The following CPT1C variants were observed in gnomAD, a reference collection of about 807,000 sequenced individuals.
The protein encoded by CPT1C is palmitoyl thioesterase CPT1C.
CPT1C carries 61 observed loss-of-function variants against 97.3 expected under a neutral mutation model. The ratio of observed to expected loss-of-function variants is 0.63; its 90% CI spans 0.51 to 0.78. CPT1C has a LOEUF of 0.78. Among genes scored for constraint, CPT1C ranks in the 30% least tolerant of loss-of-function variants. The probability of loss-of-function intolerance (pLI) is 0.00; values close to 1 mark genes in which losing one functional copy is unlikely to be tolerated. For missense variants in CPT1C, 975 were observed against 1,065.5 expected (o/e 0.92, Z 1.18); for synonymous variants, 469 against 447.2 (o/e 1.05, Z -0.61).
chr19:49,702,184 ATATAGGCTTATATATTT>A (rs2083210205), intron 7 of CPT1C, among the ~76,000 whole-genome samples: 3 of 119,960 alleles, frequency 2.5e-5, no homozygotes, highest in African/African-American at 1.2e-4. Flanking sequence ...ATTTATTTAT[ATATAGGCTTATATATTT>A]ATTTATATAT....
chr19:49,695,235 C>T (rs2082598872), intron 3 of CPT1C, among the ~76,000 whole-genome samples: 1 of 151,526 alleles, frequency 6.6e-6, no homozygotes, highest in Admixed American at 6.6e-5. Flanking sequence ...TATATACATG[C>T]ACACACATAT....
At chr19:49,703,934 G>A (rs184117805) in intron 7 of CPT1C, among the ~76,000 whole-genome samples, 15 of 152,006 alleles carry the variant, frequency 9.9e-5, no homozygotes, top group Admixed American at 8.5e-4. Flanking sequence ...CGCCCAGCCT[G>A]TATATTTTAT....
intron 14 of CPT1C, 51 bp from the exon 15 acceptor site, chr19:49,710,269 C>A (rs1175740792): frequency 1.3e-6 from 2 of 1,584,518 alleles, no homozygotes; most frequent in South Asian, 2.2e-5. Context: ...TGGCTTTCAC[C>A]CTACCCCCAT....
Position 49,692,285 on chromosome 19 carries a change from A to G in CPT1C, c.33A>G (p.Arg11=). The G allele has an allele frequency of 1.2e-6, 2 of 1,613,850 alleles. No homozygotes were observed. The highest frequency in any genetic ancestry group is 2.2e-5 in the South Asian group (2 of 91,074). The change falls in exon 3 of 20, where the codon CGA becomes CGG. Residue 11 remains arginine (R), a synonymous_variant. Coordinates refer to ENST00000598293, the MANE Select transcript of CPT1C (RefSeq NM_001199753.2). ...AAGCGCACCAGGCCGTGGGCTTCCG[A>G]CCCTCGCTGACCTCGGACGGGGCTG... MAEAHQAVGF[R]PSLTSDGAEV...
intron 7 of CPT1C, 66 bp from the exon 8 acceptor site, chr19:49,704,644 T>G: frequency 7.8e-7 from 1 of 1,279,304 alleles, no homozygotes; most frequent in South Asian, 1.2e-5. Flanking sequence ...GGGCCTTCCC[T>G]GTCCTACTGT....
Position 49,710,824 on chromosome 19 carries a change from C to T in CPT1C, c.1833C>T (p.Asn611=). The T allele has an allele frequency of 6.2e-7, 1 of 1,613,916 alleles. No individual in the cohort carries two copies. Among genetic ancestry groups the T allele is most frequent in the Non-Finnish European group, 8.5e-7 (1 of 1,179,834 alleles). The change falls in exon 16 of 20, where the codon AAC becomes AAT. Residue 611 remains asparagine, a synonymous_variant. Transcript: ENST00000598293. The part of the protein sequence containing the change: ...TVRSCTREAC[N]FVRAMEDKEK... ...GGTCTTGCACGAGGGAGGCCTGCAA[C>T]TTTGTCAGGGCCATGGAGGACAAAG...
At position 49,692,409 on chromosome 19, in the gene CPT1C, G is replaced by T; in HGVS notation, c.141+16G>T. On this transcript the variant is annotated intron_variant, in intron 3 of 19. Transcript: ENST00000598293. ...ACGTTTCTGGGTGAGGAGCGGTGCT[G>T]GTCGGTTTCCTTCCGGGGATCCAGG... 2 of 1,613,550 alleles carry T rather than the reference G, an allele frequency of 1.2e-6. No individual in the cohort carries two copies. The highest frequency in any genetic ancestry group is 1.1e-5 in the South Asian group (1 of 91,038).
In CPT1C at chr19:49,697,361, C is replaced by G; in HGVS notation, c.177C>G (p.Pro59=). The change falls in exon 4 of 20, where the codon CCC becomes CCG. Residue 59 remains proline (P), a synonymous_variant. Transcript: ENST00000598293. Reference sequence around the variant, plus strand: ...TCACCGGTGTGTTTCCTGCCAGCCCCCTCAGTTGGCTTTTCCTCTTCAGTG... The same window carrying G: ...TCACCGGTGTGTTTCCTGCCAGCCCGCTCAGTTGGCTTTTCCTCTTCAGTG... ...DFLTGVFPAS[P]LSWLFLFSAI... 1 of 1,614,128 alleles carries G rather than the reference C, an allele frequency of 6.2e-7. No individual in the cohort carries two copies. Among genetic ancestry groups the G allele is most frequent in the East Asian group, 2.2e-5 (1 of 44,864 alleles).
At position 49,706,303 on chromosome 19, in the gene CPT1C, C is replaced by T. The variant is rs751926613; in HGVS notation, c.1233C>T (p.Ala411=). Residue 411 remains alanine (A), a synonymous_variant, in exon 12 of 20, where the codon GCC becomes GCT. Transcript: ENST00000598293. This position sits in a 1 kb window ranked among gnomAD's most constrained non-coding sequence, Gnocchi z 4.8. ...AGGCCCTGGAGGCGGTGGAAGGGGC[C>T]GCTTTCTTTGTGTCACTGGATGCTG... ...AAEALEAVEG[A]AFFVSLDAEP... The T allele has an allele frequency of 2.3e-5, 36 of 1,531,990 alleles. No individual in the cohort carries two copies. The highest frequency in any genetic ancestry group is 2.3e-4 in the Admixed American group (10 of 42,764). The allele number at this position is 1,531,990 out of a possible 1,614,324, so 94.9% of individuals were successfully genotyped here.
At chr19:49,703,852 C>T (rs1277057934) in intron 7 of CPT1C, among the ~76,000 whole-genome samples, 1 of 151,878 alleles carries the variant, frequency 6.6e-6, no homozygotes, top group Non-Finnish European at 1.5e-5. Context: ...AGACTGGTCT[C>T]AAACTCCGAG....
Position 49,701,725 on chromosome 19 carries a change from C to T in CPT1C, c.693+91C>T, listed in dbSNP as rs879164065. The stretch of plus-strand genomic sequence containing the variant: ...CTTGCGAGTTATACGCCCTGCCCCA[C>T]GACACGCCCACAACCCACACGCCCC... On this transcript the variant is annotated intron_variant, in intron 7 of 19. Transcript: ENST00000598293. 48 of 1,412,008 alleles carry T rather than the reference C, an allele frequency of 3.4e-5. No individual in the cohort carries two copies. The South Asian group carries it at 5.5e-4, about 16-fold the overall frequency. The allele number at this position is 1,412,008 out of a possible 1,614,324, so 87.5% of individuals were successfully genotyped here. A position where few individuals can be genotyped will look rare whatever the true frequency, so the allele number is the denominator to read the frequency against.
intron 17 of CPT1C, chr19:49,712,525 G>A (rs1018282475): frequency 3.5e-6 from 2 of 575,842 alleles, no homozygotes; most frequent in South Asian, 2.0e-5. Context: ...GGCGTGGTCC[G>A]AGGGAGAAGA....
chr19:49,704,676 C>G (rs1452323412), intron 7 of CPT1C, 34 bp from the exon 8 acceptor site: 1 of 1,567,668 alleles, frequency 6.4e-7, no homozygotes, highest in Admixed American at 1.7e-5. Flanking sequence ...CAGGCCCCAG[C>G]CCCTCACTGT....
chr19:49,708,329 T>G (rs1055091967), intron 13 of CPT1C, among the ~76,000 whole-genome samples: 1 of 146,700 alleles, frequency 6.8e-6, no homozygotes, highest in Non-Finnish European at 1.5e-5. Flanking sequence ...CAAAAAACGT[T>G]AAAAAAAAAC....
intron 2 of CPT1C, 53 bp from the exon 3 acceptor site, chr19:49,692,186 G>C (rs2082391190): frequency 1.3e-6 from 2 of 1,587,704 alleles, no homozygotes; most frequent in Admixed American, 1.7e-5. Context: ...CTGGACTCCT[G>C]AGTCTGAGGG....
chr19:49,706,125 G>GTCAGGGT lies in CPT1C; in HGVS notation c.1160+27_1160+28insTTCAGGG. 6.2e-7 allele frequency: 1 copy of GTCAGGGT among 1,600,366 alleles called. No individual in the cohort carries two copies. On this transcript the variant is annotated intron_variant, in intron 11 of 19. Transcript: ENST00000598293. The surrounding 1 kb of genome is among the most constrained non-coding windows in gnomAD (Gnocchi z 4.8). ...CCCAGGTAAGGGTCAGGGGTCAGGG[G>GTCAGGGT]TCAGGGGCTCTCAGAGGCCGCCAGT...
chr19:49,706,500 C>T lies in CPT1C; in HGVS notation c.1343+87C>T. On this transcript the variant is annotated intron_variant, in intron 12 of 19. Coordinates refer to ENST00000598293, the MANE Select transcript of CPT1C (RefSeq NM_001199753.2). The surrounding 1 kb of genome is among the most constrained non-coding windows in gnomAD (Gnocchi z 4.8). ...GGACCCCTGACAGTAGACAGCCAGACCCTGGAGCCCACACCTGCAGAGTCT... is the reference window on the plus strand; with the variant it reads ...GGACCCCTGACAGTAGACAGCCAGATCCTGGAGCCCACACCTGCAGAGTCT... 1 of 1,173,800 alleles carries T rather than the reference C, an allele frequency of 8.5e-7. No individual in the cohort carries two copies. Among genetic ancestry groups the T allele is most frequent in the Non-Finnish European group, 1.1e-6 (1 of 896,722 alleles). The allele number at this position is 1,173,800 out of a possible 1,614,324, so 72.7% of individuals were successfully genotyped here. A position where few individuals can be genotyped will look rare whatever the true frequency, so the allele number is the denominator to read the frequency against.
chr19:49,712,708 T>A, intron 17 of CPT1C, 28 bp from the exon 18 acceptor site: 1 of 1,541,034 alleles, frequency 6.5e-7, no homozygotes, highest in East Asian at 2.2e-5. Flanking sequence ...ATCTCTGTCC[T>A]GCACATGTGA....
At chr19:49,692,736 G>GT (rs1301721586) in intron 3 of CPT1C, among the ~76,000 whole-genome samples, 1 of 152,098 alleles carries the variant, frequency 6.6e-6, no homozygotes, top group Non-Finnish European at 1.5e-5. Flanking sequence ...TTTTGTAGTT[G>GT]TTGTTTCTGA....
Sources: allele counts gnomAD v4.1 joint callset (sites outside exome capture counted in the v4.1 genomes callset), GRCh38; gene constraint gnomAD v4.1.1; non-coding constraint Gnocchi (gnomAD v3.1); transcripts MANE v1.5; gene names NCBI Gene and HGNC (gene_info 2026-07-23, HGNC 2026-07-21).